Variants in PRIM2 observed in about 807,000 individuals in gnomAD.
PRIM2 encodes DNA primase subunit 2.
In PRIM2, 39 loss-of-function variants were observed where a neutral mutation model predicts 67.3. The observed-to-expected ratio is 0.58, with a 90% CI of 0.45 to 0.76. PRIM2 has a LOEUF of 0.76. PRIM2 is among the 30% of genes least tolerant of loss of function. The pLI is 0.00. For synonymous variants in PRIM2, 143 were observed against 198.7 expected (o/e 0.72, Z 2.36); for missense variants, 398 against 598.7 (o/e 0.66, Z 3.50).
At chr6:57,290,808 A>G in the PRIM2 span, among the ~76,000 whole-genome samples, 1 of 152,226 alleles carries the variant, frequency 6.6e-6, no homozygotes, top group East Asian at 1.9e-4. Context: ...ACCAATGCGA[A>G]CAAAGACACA....
intron 5 of PRIM2, among the ~76,000 whole-genome samples, chr6:57,355,683 A>G (rs933254666): frequency 4.6e-5 from 7 of 151,976 alleles, no homozygotes; most frequent in Admixed American, 1.3e-4. Flanking sequence ...GTCTCATTCT[A>G]TTGCCCAGGC....
intron 5 of PRIM2, among the ~76,000 whole-genome samples, chr6:57,342,094 G>A (rs2127294542): frequency 6.6e-6 from 1 of 152,216 alleles, no homozygotes; most frequent in South Asian, 2.1e-4. Context: ...ACATAAAAAG[G>A]GATCATTAAT....
chr6:57,505,330 A>T (rs1774228747), intron 7 of PRIM2: 1 of 152,172 alleles, frequency 6.6e-6, no homozygotes, highest in East Asian at 1.9e-4. Flanking sequence ...TCTCGAAAGT[A>T]AGTTGGAGGT....
intron 7 of PRIM2, among the ~76,000 whole-genome samples, chr6:57,480,114 A>C (rs1418939452): frequency 2.0e-5 from 3 of 151,806 alleles, no homozygotes; most frequent in Non-Finnish European, 4.4e-5. Flanking sequence ...TCATAAATGC[A>C]TGACATGTGT....
the PRIM2 span, among the ~76,000 whole-genome samples, chr6:57,223,280 G>A: frequency 6.6e-6 from 1 of 152,134 alleles, no homozygotes; most frequent in Admixed American, 6.5e-5. Flanking sequence ...GGTTACCTTG[G>A]TGGGCAGGGG....
chr6:57,617,000 A>G (rs1776767764), intron 12 of PRIM2, among the ~76,000 whole-genome samples: 1 of 152,238 alleles, frequency 6.6e-6, no homozygotes, highest in Non-Finnish European at 1.5e-5. Context: ...TTGTTTATCC[A>G]TTCGTCCTTT....
intron 7 of PRIM2, among the ~76,000 whole-genome samples, chr6:57,409,620 C>T (rs549391624): frequency 6.6e-6 from 1 of 152,174 alleles, no homozygotes; most frequent in Non-Finnish European, 1.5e-5. Flanking sequence ...TATTCTACCA[C>T]CTTGCCAAAA....
intron 8 of PRIM2, among the ~76,000 whole-genome samples, chr6:57,523,343 T>A (rs1774670004): frequency 6.6e-6 from 1 of 150,844 alleles, no homozygotes; most frequent in Non-Finnish European, 1.5e-5. Flanking sequence ...TGCATGACTC[T>A]CGAATTCTGA....
chr6:57,384,341 A>G (rs1390167947), intron 7 of PRIM2, among the ~76,000 whole-genome samples: 3 of 152,066 alleles, frequency 2.0e-5, no homozygotes, highest in Non-Finnish European at 4.4e-5. Context: ...TTCACATGGC[A>G]TTCACCCTGC....
chr6:57,241,686 G>GTT, the PRIM2 span, among the ~76,000 whole-genome samples: 8 of 43,094 alleles, frequency 1.9e-4, no homozygotes, highest in East Asian at 9.1e-4. Flanking sequence ...GCAGAACTAT[G>GTT]TATTTTTTTT....
At chr6:57,245,398 A>G in the PRIM2 span, among the ~76,000 whole-genome samples, 1 of 152,262 alleles carries the variant, frequency 6.6e-6, no homozygotes, top group East Asian at 1.9e-4. Context: ...TACCTCTTAC[A>G]TGCTTTATGG....
chr6:57,297,142 G>A, the PRIM2 span, among the ~76,000 whole-genome samples: 4 of 152,056 alleles, frequency 2.6e-5, no homozygotes, highest in Non-Finnish European at 5.9e-5. Context: ...TAGAGAAGAA[G>A]TGACGGAAAT....
chr6:57,507,966 T>C (rs1191334432), intron 8 of PRIM2, among the ~76,000 whole-genome samples: 1 of 152,228 alleles, frequency 6.6e-6, no homozygotes, highest in African/African-American at 2.4e-5. Context: ...AGATGGAATC[T>C]TGCTCTGTCG....
chr6:57,260,398 G>A, the PRIM2 span, among the ~76,000 whole-genome samples: 1 of 152,164 alleles, frequency 6.6e-6, no homozygotes, highest in Non-Finnish European at 1.5e-5. Context: ...CCAAATGCAT[G>A]GTGGGGGTTT....
intron 8 of PRIM2, among the ~76,000 whole-genome samples, chr6:57,528,630 C>T (rs1188146927): frequency 6.6e-6 from 1 of 152,278 alleles, no homozygotes; most frequent in African/African-American, 2.4e-5. Context: ...AGAGGCCTTT[C>T]ATATTTGTTT....
chr6:57,633,092 C>T (rs1434836620), intron 13 of PRIM2, among the ~76,000 whole-genome samples: 12 of 152,186 alleles, frequency 7.9e-5, no homozygotes, highest in African/African-American at 1.9e-4. Context: ...CAACAGAGTA[C>T]GGCAGAATTA....
At chr6:57,481,623 G>A (rs1171590985) in intron 7 of PRIM2, among the ~76,000 whole-genome samples, 6 of 151,920 alleles carry the variant, frequency 3.9e-5, no homozygotes, top group Non-Finnish European at 7.4e-5. Flanking sequence ...ACGCCCAAGA[G>A]TATAAATGTT....
At chr6:57,563,657 T>C (rs1775682290) in intron 10 of PRIM2, among the ~76,000 whole-genome samples, 1 of 152,210 alleles carries the variant, frequency 6.6e-6, no homozygotes. Flanking sequence ...ATTTATTTAT[T>C]TGGAGACAGA....
At chr6:57,379,864 T>G in intron 5 of PRIM2, 37 bp from the exon 6 acceptor site, 1 of 1,521,556 alleles carries the variant, frequency 6.6e-7, no homozygotes, top group Non-Finnish European at 8.8e-7. Flanking sequence ...AATGAGGACT[T>G]CAAATTTTTG....
Sources: allele counts gnomAD v4.1 joint callset (sites outside exome capture counted in the v4.1 genomes callset), GRCh38; gene constraint gnomAD v4.1.1; transcripts MANE v1.5; gene names NCBI Gene and HGNC (gene_info 2026-07-23, HGNC 2026-07-21).